Variants in FAM193A observed in about 807,000 individuals in gnomAD.
FAM193A encodes protein FAM193A.
A neutral mutation model predicts 126.5 loss-of-function variants in FAM193A; 22 were observed. The observed-to-expected ratio is 0.17, with a 90% CI of 0.12 to 0.25. The LOEUF is 0.25. Among genes scored for constraint, FAM193A ranks in the 10% least tolerant of loss-of-function variants. The pLI is 1.00. For missense variants in FAM193A, 1,675 were observed against 1,672.8 expected, an observed-to-expected ratio of 1.00 and a Z score of -0.02; for synonymous variants, 761 against 646.8, an observed-to-expected ratio of 1.18 and a Z score of -2.68.
At chr4:2,608,681 C>T (rs116445228) in intron 2 of FAM193A, among the ~76,000 whole-genome samples, 8 of 152,154 alleles carry the variant, frequency 5.3e-5, no homozygotes, top group African/African-American at 1.4e-4. Context: ...CATTCTATCT[C>T]GGGCCCAGAG....
At chr4:2,598,106 T>C (rs1254900953) in intron 2 of FAM193A, among the ~76,000 whole-genome samples, 2 of 152,174 alleles carry the variant, frequency 1.3e-5, no homozygotes, top group Non-Finnish European at 2.9e-5. Flanking sequence ...GGTTTCACCA[T>C]GTTGGCCATT....
intron 1 of FAM193A, among the ~76,000 whole-genome samples, chr4:2,557,625 A>G (rs967286859): frequency 6.6e-6 from 1 of 152,170 alleles, no homozygotes; most frequent in Non-Finnish European, 1.5e-5. Context: ...ATAGTATGGT[A>G]GTAATTTCAT....
chr4:2,660,839 G>T (rs1712350494), intron 10 of FAM193A, among the ~76,000 whole-genome samples: 1 of 152,090 alleles, frequency 6.6e-6, no homozygotes, highest in Admixed American at 6.5e-5. Context: ...TTCAATTTGG[G>T]CTTGTTCTCA....
At chr4:2,558,449 A>T (rs1244230238) in intron 1 of FAM193A, among the ~76,000 whole-genome samples, 1 of 152,170 alleles carries the variant, frequency 6.6e-6, no homozygotes, top group African/African-American at 2.4e-5. Context: ...TTCCGCCGTC[A>T]TAGCTCACTG....
chr4:2,561,766 G>A (rs930172572), intron 1 of FAM193A, among the ~76,000 whole-genome samples: 4 of 152,094 alleles, frequency 2.6e-5, no homozygotes, highest in African/African-American at 4.8e-5. Context: ...CAAAGTGCTG[G>A]GATTACAGGC....
intron 6 of FAM193A, among the ~76,000 whole-genome samples, chr4:2,646,002 C>A (rs1198699962): frequency 6.6e-6 from 1 of 151,742 alleles, no homozygotes; most frequent in Non-Finnish European, 1.5e-5. Context: ...ACTTTGTATT[C>A]CCATATTTAT....
At chr4:2,550,762 AATTTATATTTTT>A (rs1452571147) in intron 1 of FAM193A, among the ~76,000 whole-genome samples, 2 of 146,586 alleles carry the variant, frequency 1.4e-5, no homozygotes, top group Non-Finnish European at 3.0e-5. Flanking sequence ...TTGTTTTTTC[AATTTATATTTTT>A]ATTTATTTAT....
chr4:2,559,904 C>T (rs924397246), intron 1 of FAM193A, among the ~76,000 whole-genome samples: 9 of 152,020 alleles, frequency 5.9e-5, no homozygotes, highest in East Asian at 3.9e-4. Context: ...GTGGCCTGAT[C>T]GGGCCGGGTT....
chr4:2,577,208 A>G (rs1051674051), intron 1 of FAM193A, among the ~76,000 whole-genome samples: 1 of 152,034 alleles, frequency 6.6e-6, no homozygotes, highest in African/African-American at 2.4e-5. Context: ...GTGACATATC[A>G]TACCTTATAA....
At chr4:2,655,439 G>A (rs1029701848) in intron 7 of FAM193A, among the ~76,000 whole-genome samples, 3 of 151,884 alleles carry the variant, frequency 2.0e-5, no homozygotes, top group African/African-American at 2.4e-5. Context: ...GTGTGTGTGC[G>A]TGTGCGCCTG....
At chr4:2,691,802 G>A (rs2109269425) in intron 15 of FAM193A, among the ~76,000 whole-genome samples, 1 of 151,252 alleles carries the variant, frequency 6.6e-6, no homozygotes, top group South Asian at 2.1e-4. Flanking sequence ...TAAAAAAACA[G>A]GAAGTTTGAC....
intron 1 of FAM193A, among the ~76,000 whole-genome samples, chr4:2,551,945 A>T (rs1365049951): frequency 1.3e-5 from 2 of 150,334 alleles, no homozygotes; most frequent in Non-Finnish European, 2.9e-5. Flanking sequence ...GACTCAAGGG[A>T]TCCTTCCACC....
At position 2,689,658 on chromosome 4, in the gene FAM193A, T is replaced by C; in HGVS notation, c.2484T>C (p.Asn828=). ...GTCTTTGGGGATCAGAAGTGATGAATGATAAGAACTGGAATCCTGGCACTT... is the reference window on the plus strand; with the variant it reads ...GTCTTTGGGGATCAGAAGTGATGAACGATAAGAACTGGAATCCTGGCACTT... ...FISLWGSEVM[N]DKNWNPGTFL... The change falls in exon 14 of 21, where the codon AAT becomes AAC. Residue 828 remains asparagine, a synonymous_variant. Transcript: ENST00000637812. 1 of 1,576,158 alleles carries C rather than the reference T, an allele frequency of 6.3e-7. No individual in the cohort carries two copies.
chr4:2,536,308 G>A (rs1010920033), upstream of FAM193A, among the ~76,000 whole-genome samples: 2 of 151,800 alleles, frequency 1.3e-5, no homozygotes, highest in Admixed American at 1.3e-4. Context: ...AAGGCCGCGC[G>A]GCGCGGGCGG....
chr4:2,620,711 T>C (rs1438382734), intron 2 of FAM193A, among the ~76,000 whole-genome samples: 1 of 146,512 alleles, frequency 6.8e-6, no homozygotes, highest in Non-Finnish European at 1.5e-5. Flanking sequence ...TAGCCAGGGG[T>C]GGTGGTGGGC....
At chr4:2,626,261 C>A in intron 3 of FAM193A, 149 bp from the exon 4 acceptor site, 2 of 606,944 alleles carry the variant, frequency 3.3e-6, no homozygotes, top group South Asian at 1.9e-5. Context: ...GGGATGCCAT[C>A]ACCCCCCTGC....
At chr4:2,569,651 C>T (rs1375852798) in intron 1 of FAM193A, among the ~76,000 whole-genome samples, 1 of 152,046 alleles carries the variant, frequency 6.6e-6, no homozygotes. Flanking sequence ...GCATGCACCA[C>T]CACACCCGGT....
intron 5 of FAM193A, 63 bp downstream of exon 5, chr4:2,631,232 G>C: frequency 4.0e-6 from 6 of 1,494,326 alleles, no homozygotes; most frequent in Non-Finnish European, 5.5e-6. Flanking sequence ...TGTGGCAAGA[G>C]GAAGCTTCTC....
At chr4:2,545,009 T>C (rs1737460550) in intron 1 of FAM193A, among the ~76,000 whole-genome samples, 1 of 152,164 alleles carries the variant, frequency 6.6e-6, no homozygotes, top group East Asian at 1.9e-4. Context: ...CTTTTTTTTT[T>C]TGAGACGGAG....
Sources: allele counts gnomAD v4.1 joint callset (sites outside exome capture counted in the v4.1 genomes callset), GRCh38; gene constraint gnomAD v4.1.1; transcripts MANE v1.5; gene names NCBI Gene and HGNC (gene_info 2026-07-23, HGNC 2026-07-21).